The following BDNF variants were observed in gnomAD, a reference collection of about 807,000 sequenced individuals.
BDNF encodes neurotrophic factor BDNF precursor form.
A neutral mutation model predicts 19.5 loss-of-function variants in BDNF; 1 was observed. The ratio of observed to expected loss-of-function variants is 0.05; its 90% CI spans 0.02 to 0.24. BDNF has a LOEUF of 0.24. Among genes scored for constraint, BDNF ranks in the 10% least tolerant of loss-of-function variants. The pLI, the probability that BDNF is intolerant of heterozygous loss-of-function variation, is 1.00. For synonymous variants in BDNF, 100 were observed against 121.6 expected (o/e 0.82, Z 1.17); for missense variants, 195 against 317.6 (o/e 0.61, Z 2.93).
intron 1 of BDNF, chr11:27,660,257 G>T (rs1159317958): frequency 2.4e-6 from 3 of 1,251,010 alleles, no homozygotes; most frequent in Non-Finnish European, 2.1e-6. Context: ...ACCACTAAGA[G>T]ACTTTATTAC....
At chr11:27,706,450 T>C (rs1860114141) in intron 1 of BDNF, among the ~76,000 whole-genome samples, 1 of 152,224 alleles carries the variant, frequency 6.6e-6, no homozygotes, top group African/African-American at 2.4e-5. Flanking sequence ...TTTTTGTTCC[T>C]GTTGCAATTT....
upstream of BDNF, among the ~76,000 whole-genome samples, chr11:27,701,872 C>G (rs1859915008): frequency 6.6e-6 from 1 of 152,168 alleles, no homozygotes; most frequent in Non-Finnish European, 1.5e-5. Context: ...CGAACCAGGG[C>G]AGCCAAGATA....
rs142303821 is a variant in BDNF, at chr11:27,713,982, T to G, written c.3+7430A>C. 7.8e-4 allele frequency among the ~76,000 whole-genome samples: 119 copies of G among 152,368 alleles called. 3 individuals are homozygous for G. In the East Asian group the frequency reaches 0.022, roughly 29 times the overall value. Reference sequence around the variant, plus strand: ...ATACTTTGTAATACATTTTGCCATTTGTCTAAAATAGAATTCAAGAATGAT... The same window carrying G: ...ATACTTTGTAATACATTTTGCCATTGGTCTAAAATAGAATTCAAGAATGAT... On this transcript the variant is annotated intron_variant, in intron 1 of 1. Transcript: ENST00000314915.
chr11:27,683,726 C>T (rs1224252072), intron 1 of BDNF, among the ~76,000 whole-genome samples: 1 of 151,884 alleles, frequency 6.6e-6, no homozygotes, highest in Non-Finnish European at 1.5e-5. Flanking sequence ...AGATGTGTGG[C>T]GTTATTTCTG....
intron 1 of BDNF, among the ~76,000 whole-genome samples, chr11:27,683,603 C>A (rs1857121357): frequency 6.6e-6 from 1 of 152,066 alleles, no homozygotes; most frequent in Admixed American, 6.6e-5. Flanking sequence ...GGAAGGGGTC[C>A]AGTTTCAGTT....
At chr11:27,672,161 A>G (rs1186725291) in intron 1 of BDNF, among the ~76,000 whole-genome samples, 1 of 152,190 alleles carries the variant, frequency 6.6e-6, no homozygotes, top group African/African-American at 2.4e-5. Flanking sequence ...TATTGTTATT[A>G]TGATAGAAAG....
chr11:27,666,894 A>G (rs1349081443), intron 1 of BDNF, among the ~76,000 whole-genome samples: 1 of 152,204 alleles, frequency 6.6e-6, no homozygotes, highest in Non-Finnish European at 1.5e-5. Flanking sequence ...GCAGGCCAGC[A>G]TTCAAATTCA....
chr11:27,680,265 A>G (rs534352268), intron 1 of BDNF, among the ~76,000 whole-genome samples: 1 of 152,358 alleles, frequency 6.6e-6, no homozygotes, highest in African/African-American at 2.4e-5. Context: ...CACAAAGGGC[A>G]TTCCCAAAAA....
In BDNF at chr11:27,700,419, GCGGCGGCAGCGT is replaced by G. The variant is rs1211895694; in HGVS notation, c.-289_-278del. 1.0e-5 allele frequency: 10 copies of G among 985,550 alleles called. No individual in the cohort carries two copies. The African/African-American group carries it at 1.6e-4, about 16-fold the overall frequency. The allele number at this position is 985,550 out of a possible 1,614,324, so 61.1% of individuals were successfully genotyped here. A position where few individuals can be genotyped will look rare whatever the true frequency, so the allele number is the denominator to read the frequency against. On this transcript the variant is annotated 5_prime_UTR_variant, in exon 1 of 2. Coordinates refer to ENST00000356660, the MANE Select transcript of BDNF (RefSeq NM_001709.5). ...GAGCGGGCGGGTGCGCCCGGGCGCGGCGGCGGCAGCGTCGGGGACCCGGAGCTCCAGGCTGCG... is the reference window on the plus strand; with the variant it reads ...GAGCGGGCGGGTGCGCCCGGGCGCGGCGGGGACCCGGAGCTCCAGGCTGCG...
At chr11:27,721,342 C>A (rs1350946787) in intron 1 of BDNF, 14 of 1,562,342 alleles carry the variant, frequency 9.0e-6, no homozygotes, top group Middle Eastern at 1.7e-4. Context: ...TAGGAAGAGC[C>A]GTGATATGCC....
chr11:27,695,989 A>G (rs969494202), intron 1 of BDNF, among the ~76,000 whole-genome samples: 1 of 152,132 alleles, frequency 6.6e-6, no homozygotes. Context: ...CTTAAAGAAC[A>G]CACACATTTA....
chr11:27,669,205 C>A (rs1392273883), intron 1 of BDNF, among the ~76,000 whole-genome samples: 1 of 152,146 alleles, frequency 6.6e-6, no homozygotes, highest in African/African-American at 2.4e-5. Flanking sequence ...CAAAATTCAA[C>A]AGCCTTTGTG....
rs1283846784 is a variant in BDNF, at chr11:27,656,391, GCA to G, written c.*1428_*1429del. The G allele has an allele frequency of 6.7e-6, 2 of 298,368 alleles. No homozygotes were observed. The highest frequency in any genetic ancestry group is 1.3e-4 in the South Asian group (1 of 7,770). The allele number at this position is 298,368 out of a possible 1,614,324, so 18.5% of individuals were successfully genotyped here. A position where few individuals can be genotyped will look rare whatever the true frequency, so the allele number is the denominator to read the frequency against. On this transcript the variant is annotated 3_prime_UTR_variant, in exon 2 of 2. Coordinates refer to ENST00000356660, the MANE Select transcript of BDNF (RefSeq NM_001709.5). ...GGTCCTCCAGTCGAGAACCTCTTGA[GCA>G]CAGTTAGATAATGTAGGCACTTAAA...
intron 1 of BDNF, among the ~76,000 whole-genome samples, chr11:27,719,054 G>A (rs1860641698): frequency 1.3e-5 from 2 of 152,126 alleles, no homozygotes; most frequent in Admixed American, 1.3e-4. Context: ...CCCGCCCAGG[G>A]GCGCCTAAGT....
Position 27,700,041 on chromosome 11 carries a change from C to T in BDNF, c.-22+123G>A, listed in dbSNP as rs995440147. The T allele has an allele frequency of 5.5e-6, 5 of 901,252 alleles. No individual in the cohort carries two copies. In the African/African-American group the frequency reaches 7.2e-5, roughly 13 times the overall value. The allele number at this position is 901,252 out of a possible 1,614,324, so 55.8% of individuals were successfully genotyped here. On this transcript the variant is annotated intron_variant, in intron 1 of 1. Transcript: ENST00000356660. Reference sequence around the variant, plus strand: ...AGTAACTCCAAATCGTCCCTTCTACCGGAGGGGAGGAAAGAAGGAGACTGG... The same window carrying T: ...AGTAACTCCAAATCGTCCCTTCTACTGGAGGGGAGGAAAGAAGGAGACTGG...
In BDNF at chr11:27,658,979, T is replaced by C; in HGVS notation, c.-21-394A>G. 5.5e-6 allele frequency: 6 copies of C among 1,098,722 alleles called. No individual in the cohort carries two copies. The highest frequency in any genetic ancestry group is 6.7e-6 in the Non-Finnish European group (6 of 890,768). 68.1% of individuals were successfully genotyped at this position (1,098,722 alleles called of 1,614,324 possible). A position where few individuals can be genotyped will look rare whatever the true frequency, so the allele number is the denominator to read the frequency against. On this transcript the variant is annotated intron_variant, in intron 1 of 1. Transcript: ENST00000356660. This position sits in a 1 kb window ranked among gnomAD's most constrained non-coding sequence, Gnocchi z 5.7. ...TGTTACTAAGCAACAACTGCAAGTG[T>C]AATTAATAGTAATTTTTTTCAAGTT... is the stretch of plus-strand genomic sequence containing the variant.
chr11:27,716,735 G>C (rs998288479), intron 1 of BDNF, among the ~76,000 whole-genome samples: 1 of 152,152 alleles, frequency 6.6e-6, no homozygotes, highest in African/African-American at 2.4e-5. Flanking sequence ...AGACTAGTTT[G>C]TCTAATTAAA....
At chr11:27,670,274 A>G (rs1381794304) in intron 1 of BDNF, among the ~76,000 whole-genome samples, 1 of 152,242 alleles carries the variant, frequency 6.6e-6, no homozygotes, top group African/African-American at 2.4e-5. Flanking sequence ...TGAATTAAAG[A>G]CTTACACGTT....
At chr11:27,703,300 A>C (rs532279884), upstream of BDNF, among the ~76,000 whole-genome samples, 1 of 152,326 alleles carries the variant, frequency 6.6e-6, no homozygotes, top group African/African-American at 2.4e-5. Context: ...ATTTAAAAAA[A>C]ATACTTGTAC....
Sources: gnomAD v4.1 joint callset for allele counts (sites outside exome capture counted in the v4.1 genomes callset) on GRCh38, gnomAD v4.1.1 for gene constraint, Gnocchi (gnomAD v3.1) non-coding constraint, MANE v1.5 for transcripts, NCBI Gene and HGNC (gene_info 2026-07-23, HGNC 2026-07-21) for gene names.